The following ANKRD28 variants were observed in gnomAD, a reference collection of about 807,000 sequenced individuals.
The protein encoded by ANKRD28 is ankyrin repeat domain 28, also known as serine/threonine-protein phosphatase 6 regulatory ankyrin repeat subunit A.
Under a neutral mutation model 126.5 loss-of-function variants are expected in ANKRD28, and 44 were observed. That is an observed-to-expected ratio of 0.35 (90% CI 0.27 to 0.45). The LOEUF (loss-of-function observed/expected upper bound fraction) is 0.45. Ranked by LOEUF, ANKRD28 falls within the 20% of genes least tolerant of loss-of-function variation. The pLI is 1.00. For synonymous variants in ANKRD28, 442 were observed against 468.5 expected, an observed-to-expected ratio of 0.94 and a Z score of 0.73; for missense variants, 1,110 against 1,316.6, an observed-to-expected ratio of 0.84 and a Z score of 2.43.
intron 2 of ANKRD28, among the ~76,000 whole-genome samples, chr3:15,774,831 A>G (rs1305250892): frequency 6.6e-6 from 1 of 152,234 alleles, no homozygotes; most frequent in Non-Finnish European, 1.5e-5. Context: ...CTGCAAATTA[A>G]TAAGAGACAA....
intron 17 of ANKRD28, among the ~76,000 whole-genome samples, chr3:15,692,616 C>T: frequency 6.6e-6 from 1 of 152,152 alleles, no homozygotes; most frequent in Admixed American, 6.5e-5. Context: ...GGCCAGTCTC[C>T]TTAAGCCTCA....
intron 24 of ANKRD28, 83 bp from the exon 25 acceptor site, chr3:15,677,645 T>A: frequency 3.8e-6 from 4 of 1,048,314 alleles, no homozygotes; most frequent in Admixed American, 2.5e-5. Flanking sequence ...GAAATGAAGA[T>A]ACAAAGCAAA....
chr3:15,710,337 A>C (rs1018501669), intron 12 of ANKRD28, among the ~76,000 whole-genome samples: 1 of 152,230 alleles, frequency 6.6e-6, no homozygotes, highest in Non-Finnish European at 1.5e-5. Context: ...TTACTATGTT[A>C]CAATGAAAAC....
intron 14 of ANKRD28, among the ~76,000 whole-genome samples, chr3:15,699,604 C>G (rs1381563620): frequency 6.6e-6 from 1 of 152,200 alleles, no homozygotes; most frequent in East Asian, 1.9e-4. Flanking sequence ...CAAAAGATGA[C>G]ATTTATGCAG....
chr3:15,722,056 T>C (rs78613993), intron 7 of ANKRD28, among the ~76,000 whole-genome samples: 36 of 152,330 alleles, frequency 2.4e-4, no homozygotes, highest in Non-Finnish European at 4.7e-4. Context: ...TGTTTTTCTA[T>C]TTCTAATAAA....
intron 6 of ANKRD28, among the ~76,000 whole-genome samples, chr3:15,729,951 C>T (rs1019870242): frequency 1.5e-4 from 23 of 152,060 alleles, no homozygotes; most frequent in Non-Finnish European, 2.9e-5. Flanking sequence ...TGCAGTGGTG[C>T]GATCACAGCT....
intron 2 of ANKRD28, among the ~76,000 whole-genome samples, chr3:15,775,168 T>G (rs1035013800): frequency 1.3e-5 from 2 of 152,220 alleles, no homozygotes; most frequent in Non-Finnish European, 2.9e-5. Context: ...TGAGCCACTG[T>G]GCCCGGCCCA....
intron 4 of ANKRD28, among the ~76,000 whole-genome samples, chr3:15,743,239 G>A (rs1430608419): frequency 5.9e-5 from 9 of 152,042 alleles, no homozygotes; most frequent in Non-Finnish European, 1.3e-4. Flanking sequence ...CAAACACTCT[G>A]CCTAGGAAAA....
chr3:15,780,047 C>T lies in ANKRD28; in HGVS notation c.202-13735G>A, dbSNP rs553679983. Reference sequence around the variant, plus strand: ...TGCTGCCCACCCTCACCACTCCTATCCACCATAGTGCTGCAAGTCCTAGCC... The same window carrying T: ...TGCTGCCCACCCTCACCACTCCTATTCACCATAGTGCTGCAAGTCCTAGCC... On this transcript the variant is annotated intron_variant, in intron 2 of 27. Coordinates refer to ENST00000683139, the MANE Select transcript of ANKRD28 (RefSeq NM_001349278.2). 1.2e-3 allele frequency among the ~76,000 whole-genome samples: 183 copies of T among 152,138 alleles called. 1 individual carries two copies. The highest frequency in any genetic ancestry group is 1.9e-3 in the Non-Finnish European group (130 of 68,020).
intron 3 of ANKRD28, chr3:15,756,499 T>C: frequency 3.0e-6 from 3 of 985,438 alleles, no homozygotes; most frequent in South Asian, 9.4e-5. Context: ...TCTAGGGCTC[T>C]AGGCAGCCAG....
At chr3:15,847,206 C>T (rs939390834) in intron 1 of ANKRD28, among the ~76,000 whole-genome samples, 4 of 152,028 alleles carry the variant, frequency 2.6e-5, no homozygotes, top group Non-Finnish European at 5.9e-5. Flanking sequence ...AAACAAGAAA[C>T]TTTTCCATGA....
chr3:15,686,377 A>G, intron 18 of ANKRD28, 68 bp from the exon 19 acceptor site: 1 of 1,249,278 alleles, frequency 8.0e-7, no homozygotes, highest in Non-Finnish European at 1.1e-6. Flanking sequence ...TCCATCTAAA[A>G]GCACATCTTC....
Position 15,797,262 on chromosome 3 carries a change from G to A in ANKRD28, c.-741C>T, listed in dbSNP as rs2060321113. 1.0e-6 allele frequency: 1 copy of A among 983,440 alleles called. No homozygotes were observed. Among genetic ancestry groups the A allele is most frequent in the Non-Finnish European group, 1.2e-6 (1 of 829,476 alleles). 60.9% of individuals were successfully genotyped at this position (983,440 alleles called of 1,614,324 possible). On this transcript the variant is annotated 5_prime_UTR_variant, in exon 1 of 28. Coordinates refer to ENST00000683139, the MANE Select transcript of ANKRD28 (RefSeq NM_001349278.2). ...TAGCAAAGCTGCAGTACGTTTACATGTGATGAGTCAGACCACAAGAGACAA... is the reference window on the plus strand; with the variant it reads ...TAGCAAAGCTGCAGTACGTTTACATATGATGAGTCAGACCACAAGAGACAA...
At chr3:15,758,940 T>C (rs2058312725) in intron 3 of ANKRD28, among the ~76,000 whole-genome samples, 1 of 152,214 alleles carries the variant, frequency 6.6e-6, no homozygotes, top group Non-Finnish European at 1.5e-5. Context: ...CCTTCCACAA[T>C]GCAGTCATTT....
In ANKRD28 at chr3:15,838,692, G is replaced by A. The variant is rs981309768; in HGVS notation, c.27+20685C>T. 4.0e-5 allele frequency among the ~76,000 whole-genome samples: 6 copies of A among 151,426 alleles called. No individual in the cohort carries two copies. Among genetic ancestry groups the A allele is most frequent in the African/African-American group, 1.5e-4 (6 of 41,106 alleles). On this transcript the variant is annotated intron_variant, in intron 1 of 27. Transcript: ENST00000399451. This position sits in a 1 kb window ranked among gnomAD's most constrained non-coding sequence, Gnocchi z 4.0. ...GAACCCAGGAGGTAGAGGTTGCAGT[G>A]AGCCGGGACCACGCCACTGCACTCC...
chr3:15,755,125 G>A (rs895889267), intron 3 of ANKRD28, among the ~76,000 whole-genome samples: 18 of 151,908 alleles, frequency 1.2e-4, no homozygotes, highest in South Asian at 2.1e-4. Context: ...GCAAAACTCC[G>A]TCTCAAAAAG....
chr3:15,734,099 G>A (rs1489148016), intron 6 of ANKRD28, among the ~76,000 whole-genome samples: 1 of 152,100 alleles, frequency 6.6e-6, no homozygotes, highest in Non-Finnish European at 1.5e-5. Context: ...TAGTATTCAG[G>A]GGATGTGAAA....
At chr3:15,725,018 T>A (rs1575402632) in intron 6 of ANKRD28, among the ~76,000 whole-genome samples, 1 of 151,994 alleles carries the variant, frequency 6.6e-6, no homozygotes, top group East Asian at 1.9e-4. Flanking sequence ...TTCAGGATAA[T>A]TTTGGTAAGT....
At position 15,854,256 on chromosome 3, in the gene ANKRD28, C is replaced by T. The variant is rs930456510; in HGVS notation, c.27+5121G>A. The stretch of plus-strand genomic sequence containing the variant: ...AAGTACTTAATGTAGTCACTGTTAA[C>T]TAATTTATCTTCTCTTTTCCAACTA... On this transcript the variant is annotated intron_variant, in intron 1 of 27. Coordinates refer to the ANKRD28 transcript ENST00000399451. This position sits in a 1 kb window ranked among gnomAD's most constrained non-coding sequence, Gnocchi z 4.1. Among the ~76,000 whole-genome samples, 6 of 152,216 alleles carry T rather than the reference C, an allele frequency of 3.9e-5. No individual in the cohort carries two copies. Among genetic ancestry groups the T allele is most frequent in the African/African-American group, 1.4e-4 (6 of 41,456 alleles).
Sources: gnomAD v4.1 joint callset for allele counts (sites outside exome capture counted in the v4.1 genomes callset) on GRCh38, gnomAD v4.1.1 for gene constraint, Gnocchi (gnomAD v3.1) non-coding constraint, MANE v1.5 for transcripts, NCBI Gene and HGNC (gene_info 2026-07-23, HGNC 2026-07-21) for gene names.